The following CADM2 variants were observed in gnomAD, a reference collection of about 807,000 sequenced individuals.
CADM2 encodes immunoglobulin superfamily member 4D.
CADM2 carries 12 observed loss-of-function variants against 49.8 expected under a neutral mutation model. The observed-to-expected ratio is 0.24, with a 90% CI of 0.15 to 0.39. The LOEUF (loss-of-function observed/expected upper bound fraction) is 0.39. Ranked by LOEUF, CADM2 falls within the 10% of genes least tolerant of loss-of-function variation. The pLI, the probability that CADM2 is intolerant of heterozygous loss-of-function variation, is 1.00. For synonymous variants in CADM2, 214 were observed against 175.4 expected, an observed-to-expected ratio of 1.22 and a Z score of -1.74; for missense variants, 378 against 492.3, an observed-to-expected ratio of 0.77 and a Z score of 2.20.
intron 3 of CADM2, among the ~76,000 whole-genome samples, chr3:85,864,452 A>G (rs2075651044): frequency 6.6e-6 from 1 of 152,154 alleles, no homozygotes; most frequent in East Asian, 1.9e-4. Flanking sequence ...TACAGCAATT[A>G]TTTATTGAAA....
intron 2 of CADM2, among the ~76,000 whole-genome samples, chr3:85,791,970 A>G (rs1036588219): frequency 2.0e-4 from 31 of 152,020 alleles, no homozygotes; most frequent in Non-Finnish European, 3.8e-4. Context: ...TGATCCGCCC[A>G]CCTCGGCCTC....
At chr3:85,117,023 C>T (rs1235440395) in intron 1 of CADM2, among the ~76,000 whole-genome samples, 6 of 151,804 alleles carry the variant, frequency 4.0e-5, no homozygotes, top group African/African-American at 1.2e-4. Context: ...GATGAAACCC[C>T]GTCTCTACTA....
chr3:85,588,899 T>C (rs2063020887), intron 1 of CADM2, among the ~76,000 whole-genome samples: 1 of 152,050 alleles, frequency 6.6e-6, no homozygotes. Context: ...GGAGAATGCC[T>C]GTCCATTTCA....
At chr3:85,233,366 C>T (rs1022557957) in intron 1 of CADM2, among the ~76,000 whole-genome samples, 1 of 151,994 alleles carries the variant, frequency 6.6e-6, no homozygotes, top group Non-Finnish European at 1.5e-5. Flanking sequence ...ACAGTCAACC[C>T]TAAGGTAACC....
intron 6 of CADM2, among the ~76,000 whole-genome samples, chr3:85,934,751 T>A (rs927010415): frequency 5.9e-5 from 9 of 152,162 alleles, no homozygotes; most frequent in African/African-American, 2.2e-4. Flanking sequence ...CGGTAGTAAC[T>A]CATTTAACTG....
At chr3:85,578,766 T>C in intron 1 of CADM2, among the ~76,000 whole-genome samples, 1 of 152,254 alleles carries the variant, frequency 6.6e-6, no homozygotes, top group East Asian at 1.9e-4. Flanking sequence ...CTGTTCTATG[T>C]CATCTTTATT....
chr3:85,993,899 T>C (rs1313900776), intron 8 of CADM2: 1 of 152,208 alleles, frequency 6.6e-6, no homozygotes, highest in East Asian at 1.9e-4. Context: ...TGTTATAACA[T>C]TGATGGAGCA....
chr3:85,634,479 TA>T (rs1559956479), intron 1 of CADM2, among the ~76,000 whole-genome samples: 1 of 152,060 alleles, frequency 6.6e-6, no homozygotes, highest in Non-Finnish European at 1.5e-5. Context: ...GGTTCTAATT[TA>T]TATGAACTTT....
At chr3:85,644,926 ACT>A (rs1454754034) in intron 1 of CADM2, among the ~76,000 whole-genome samples, 1 of 151,396 alleles carries the variant, frequency 6.6e-6, no homozygotes, top group Non-Finnish European at 1.5e-5. Flanking sequence ...ATCCAGAAAG[ACT>A]CTTTTCTGGC....
intron 8 of CADM2, chr3:85,979,300 T>C (rs199705657): frequency 6.2e-7 from 1 of 1,607,898 alleles, no homozygotes; most frequent in African/African-American, 1.3e-5. Context: ...TATGTTTCTT[T>C]GTTATAGCCT....
chr3:85,291,956 A>C (rs1489391798), intron 1 of CADM2, among the ~76,000 whole-genome samples: 2 of 152,092 alleles, frequency 1.3e-5, no homozygotes, highest in African/African-American at 4.8e-5. Flanking sequence ...TTTAAATGTA[A>C]ATGGACTAAA....
intron 7 of CADM2, among the ~76,000 whole-genome samples, chr3:85,958,661 A>G (rs1239971861): frequency 2.6e-5 from 4 of 152,002 alleles, no homozygotes; most frequent in Admixed American, 1.3e-4. Flanking sequence ...ATGCCCATCA[A>G]TGATAGACTG....
intron 5 of CADM2, among the ~76,000 whole-genome samples, chr3:85,906,799 A>T (rs1716866326): frequency 6.6e-6 from 1 of 152,244 alleles, no homozygotes; most frequent in Non-Finnish European, 1.5e-5. Flanking sequence ...AACAAATACA[A>T]AATGAAAAGC....
intron 1 of CADM2, among the ~76,000 whole-genome samples, chr3:85,353,538 T>C (rs1331267610): frequency 6.6e-6 from 1 of 151,686 alleles, no homozygotes; most frequent in Non-Finnish European, 1.5e-5. Context: ...TAGTTGATGG[T>C]TTCTTTTTTT....
intron 1 of CADM2, among the ~76,000 whole-genome samples, chr3:85,516,165 A>G (rs1208789387): frequency 6.6e-6 from 1 of 152,170 alleles, no homozygotes. Context: ...TTCATGGTCA[A>G]ATTTGGCCCA....
chr3:85,756,159 C>A (rs1190574308), intron 2 of CADM2, among the ~76,000 whole-genome samples: 5 of 128,240 alleles, frequency 3.9e-5, no homozygotes, highest in Admixed American at 3.1e-4. Flanking sequence ...GGACAAAGAC[C>A]AATTTTTTTT....
intron 1 of CADM2, among the ~76,000 whole-genome samples, chr3:85,139,493 T>G (rs1174569994): frequency 2.0e-5 from 3 of 152,140 alleles, no homozygotes; most frequent in Non-Finnish European, 4.4e-5. Context: ...TTTCAGAGAG[T>G]TTGTATTTTA....
intron 1 of CADM2, among the ~76,000 whole-genome samples, chr3:85,579,964 G>C (rs2062748352): frequency 6.6e-6 from 1 of 152,102 alleles, no homozygotes; most frequent in Non-Finnish European, 1.5e-5. Context: ...AAGAAGTCAT[G>C]ACACAGATTT....
At chr3:85,726,879 C>G (rs1042888461) in intron 2 of CADM2, among the ~76,000 whole-genome samples, 2 of 151,916 alleles carry the variant, frequency 1.3e-5, no homozygotes, top group African/African-American at 4.8e-5. Flanking sequence ...GGGCAAAATA[C>G]AGCATAAAAT....
Sources: gnomAD v4.1 joint callset for allele counts (sites outside exome capture counted in the v4.1 genomes callset) on GRCh38, gnomAD v4.1.1 for gene constraint, MANE v1.5 for transcripts, NCBI Gene and HGNC (gene_info 2026-07-23, HGNC 2026-07-21) for gene names.